The following FBXO36 variants were observed in gnomAD, a reference collection of about 807,000 sequenced individuals.
FBXO36 encodes the protein F-box protein 36, also known as F-box only protein 36.
FBXO36 carries 18 observed loss-of-function variants against 17.0 expected under a neutral mutation model. The observed-to-expected ratio is 1.06, with a 90% confidence interval of 0.73 to 1.57. The LOEUF is 1.57. Ranked by LOEUF, FBXO36 falls within the 40% of genes most tolerant of loss-of-function variation. The pLI is 0.00. For synonymous variants in FBXO36, 83 were observed against 85.3 expected, an observed-to-expected ratio of 0.97 and a Z score of 0.15; for missense variants, 229 against 221.9, an observed-to-expected ratio of 1.03 and a Z score of -0.20.
intron 1 of FBXO36, among the ~76,000 whole-genome samples, chr2:229,938,123 A>G (rs1459155171): frequency 6.6e-6 from 1 of 151,124 alleles, no homozygotes; most frequent in Non-Finnish European, 1.5e-5. Flanking sequence ...ACCTGCTATC[A>G]TGCCCGGCTA....
intron 2 of FBXO36, among the ~76,000 whole-genome samples, chr2:229,985,366 C>T (rs1166538135): frequency 1.3e-5 from 2 of 152,134 alleles, no homozygotes; most frequent in African/African-American, 2.4e-5. Context: ...TGTTTTCTTA[C>T]CCCTTTTGCC....
At chr2:229,952,431 C>T (rs1362814000) in intron 1 of FBXO36, among the ~76,000 whole-genome samples, 2 of 152,166 alleles carry the variant, frequency 1.3e-5, no homozygotes, top group Non-Finnish European at 2.9e-5. Flanking sequence ...ATCAAGCAAA[C>T]ATCTCAGATT....
chr2:229,949,203 A>G (rs1281690495), intron 1 of FBXO36, among the ~76,000 whole-genome samples: 1 of 152,168 alleles, frequency 6.6e-6, no homozygotes, highest in Non-Finnish European at 1.5e-5. Flanking sequence ...GTCTCATTCA[A>G]CTGGACCTAG....
intron 1 of FBXO36, among the ~76,000 whole-genome samples, chr2:229,951,472 C>T (rs560774928): frequency 1.8e-4 from 27 of 151,896 alleles, no homozygotes; most frequent in African/African-American, 6.5e-4. Context: ...TTGAACTCCT[C>T]ATCTCAGGTG....
At chr2:229,937,223 G>A (rs1011153365) in intron 1 of FBXO36, among the ~76,000 whole-genome samples, 2 of 152,130 alleles carry the variant, frequency 1.3e-5, no homozygotes, top group East Asian at 1.9e-4. Flanking sequence ...GGCTGGGCGC[G>A]GTGGCTCACG....
chr2:229,991,148 C>A (rs780414590), intron 2 of FBXO36, among the ~76,000 whole-genome samples: 1 of 152,134 alleles, frequency 6.6e-6, no homozygotes, highest in Non-Finnish European at 1.5e-5. Context: ...CTTGGCCAGG[C>A]TGGTCTAGAA....
At chr2:229,950,125 T>G (rs2077049602) in intron 1 of FBXO36, among the ~76,000 whole-genome samples, 1 of 151,912 alleles carries the variant, frequency 6.6e-6, no homozygotes, top group Non-Finnish European at 1.5e-5. Context: ...GACCAGGAGC[T>G]TGCTTTAAAA....
intron 3 of FBXO36, among the ~76,000 whole-genome samples, chr2:230,002,843 T>C (rs976166854): frequency 6.6e-5 from 10 of 152,214 alleles, no homozygotes; most frequent in Admixed American, 6.5e-4. Flanking sequence ...ATAAGGATGA[T>C]ATAAAGTTTT....
intron 1 of FBXO36, among the ~76,000 whole-genome samples, chr2:229,967,017 T>C (rs1389200920): frequency 6.6e-6 from 1 of 152,230 alleles, no homozygotes; most frequent in African/African-American, 2.4e-5. Context: ...GAGCATGGAA[T>C]GTTCTTCCAT....
chr2:229,988,919 A>G (rs1187077627), intron 2 of FBXO36, among the ~76,000 whole-genome samples: 1 of 150,336 alleles, frequency 6.7e-6, no homozygotes, highest in Admixed American at 6.7e-5. Context: ...TATACTATAT[A>G]CATATCATAT....
At chr2:229,953,317 C>T (rs1577338068) in intron 1 of FBXO36, among the ~76,000 whole-genome samples, 3 of 149,700 alleles carry the variant, frequency 2.0e-5, no homozygotes, top group South Asian at 2.1e-4. Context: ...CCAGCCTGGG[C>T]GACAGAGTGA....
intron 1 of FBXO36, among the ~76,000 whole-genome samples, chr2:229,947,519 A>G (rs1195369412): frequency 1.3e-5 from 2 of 152,222 alleles, no homozygotes; most frequent in Non-Finnish European, 2.9e-5. Flanking sequence ...AAAAGGGATC[A>G]CATCGACACC....
At chr2:230,001,732 C>G (rs896609700) in intron 3 of FBXO36, among the ~76,000 whole-genome samples, 1 of 152,208 alleles carries the variant, frequency 6.6e-6, no homozygotes, top group Non-Finnish European at 1.5e-5. Flanking sequence ...TCCTCTCCTG[C>G]TCAAGATCAG....
chr2:229,979,359 T>C (rs1369589022), intron 2 of FBXO36, among the ~76,000 whole-genome samples: 1 of 151,828 alleles, frequency 6.6e-6, no homozygotes, highest in Non-Finnish European at 1.5e-5. Context: ...TGTATATATA[T>C]ATATATGTAT....
At position 230,010,858 on chromosome 2, in the gene FBXO36, G is replaced by A. The variant is rs757400653; in HGVS notation, c.541G>A (p.Gly181Arg). 13 of 1,612,422 alleles carry A rather than the reference G, an allele frequency of 8.1e-6. No individual in the cohort carries two copies. The highest frequency in any genetic ancestry group is 1.0e-5 in the Non-Finnish European group (12 of 1,179,062). ...GCTCCGCAAGAGGAAACAAAAATAT[G>A]GAAACCTGAGAGAAAAGCAACCTTA... ...RQLRKRKQKY[G>R]NLREKQP Residue 181 changes from glycine to arginine, a missense_variant, in exon 4 of 4, where the codon GGA becomes AGA. Transcript: ENST00000283946.
chr2:229,950,136 TCA>T (rs2077049627), intron 1 of FBXO36, among the ~76,000 whole-genome samples: 3 of 151,548 alleles, frequency 2.0e-5, no homozygotes, highest in Non-Finnish European at 2.9e-5. Flanking sequence ...TGCTTTAAAA[TCA>T]CAGCCCAGGC....
At chr2:229,964,712 G>T (rs1305275348) in intron 1 of FBXO36, among the ~76,000 whole-genome samples, 1 of 152,174 alleles carries the variant, frequency 6.6e-6, no homozygotes, top group Non-Finnish European at 1.5e-5. Context: ...GTAGAGACAG[G>T]GTTTCACTGT....
At chr2:229,947,683 A>G (rs781590588) in intron 1 of FBXO36, among the ~76,000 whole-genome samples, 2 of 152,222 alleles carry the variant, frequency 1.3e-5, no homozygotes, top group South Asian at 4.1e-4. Flanking sequence ...AGTGAAATCA[A>G]TAGAATTTAG....
At chr2:229,989,836 G>A (rs375948449) in intron 2 of FBXO36, among the ~76,000 whole-genome samples, 1 of 151,586 alleles carries the variant, frequency 6.6e-6, no homozygotes, top group African/African-American at 2.4e-5. Context: ...GCCTCCCAAA[G>A]TGTTGGGATT....
Sources: gnomAD v4.1 joint callset for allele counts (sites outside exome capture counted in the v4.1 genomes callset) on GRCh38, gnomAD v4.1.1 for gene constraint, MANE v1.5 for transcripts, NCBI Gene and HGNC (gene_info 2026-07-23, HGNC 2026-07-21) for gene names.